The following EGLN1 variants were observed in gnomAD, a reference collection of about 807,000 sequenced individuals.
EGLN1 encodes egl-9 family hypoxia inducible factor 1.
A neutral mutation model predicts 38.3 loss-of-function variants in EGLN1; 17 were observed. The ratio of observed to expected loss-of-function variants is 0.44; its 90% CI spans 0.30 to 0.67. The LOEUF (loss-of-function observed/expected upper bound fraction) is 0.67. Ranked by LOEUF, EGLN1 falls within the 30% of genes least tolerant of loss-of-function variation. The probability of loss-of-function intolerance (pLI) is 0.08; values close to 1 mark genes in which losing one functional copy is unlikely to be tolerated. For synonymous variants in EGLN1, 283 were observed against 257.5 expected (o/e 1.10, Z -0.95); for missense variants, 477 against 603.3 (o/e 0.79, Z 2.19).
chr1:231,370,546 T>C lies in EGLN1; in HGVS notation c.1148+16A>G. ...TACCATACTCTAAACCAATTTTTTC[T>C]GAAAAGGAATACTACCTTGTAGCAT... On this transcript the variant is annotated intron_variant, in intron 3 of 4. Transcript: ENST00000366641. The C allele has an allele frequency of 6.2e-7, 1 of 1,612,988 alleles. No homozygotes were observed. The highest frequency in any genetic ancestry group is 8.5e-7 in the Non-Finnish European group (1 of 1,180,012).
chr1:231,388,873 T>G (rs539542408), intron 1 of EGLN1, among the ~76,000 whole-genome samples: 1 of 152,304 alleles, frequency 6.6e-6, no homozygotes, highest in Non-Finnish European at 1.5e-5. Flanking sequence ...CAGACTGGTC[T>G]CAAACTCCCA....
chr1:231,418,424 T>C (rs925142574), intron 1 of EGLN1, among the ~76,000 whole-genome samples: 3 of 152,160 alleles, frequency 2.0e-5, no homozygotes, highest in Non-Finnish European at 4.4e-5. Flanking sequence ...ATAACTAGCG[T>C]AGTTAAAAAA....
rs1036992232 is a variant in EGLN1, at chr1:231,416,290, C to T, written c.891+4708G>A. Reference sequence around the variant, plus strand: ...TGGGAATTACAGGGGTGAGTTACCACATCTGGCCCGGAATCCATTATCTTT... The same window carrying T: ...TGGGAATTACAGGGGTGAGTTACCATATCTGGCCCGGAATCCATTATCTTT... On this transcript the variant is annotated intron_variant, in intron 1 of 4. Transcript: ENST00000366641. 9.2e-5 allele frequency among the ~76,000 whole-genome samples: 14 copies of T among 152,046 alleles called. 1 individual carries two copies. The highest frequency in any genetic ancestry group is 3.4e-4 in the African/African-American group (14 of 41,370).
intron 1 of EGLN1, among the ~76,000 whole-genome samples, chr1:231,374,575 T>C (rs1012950839): frequency 2.6e-5 from 4 of 151,796 alleles, no homozygotes; most frequent in Non-Finnish European, 4.4e-5. Flanking sequence ...TCGAGTGCAG[T>C]GATGCAATCA....
At chr1:231,418,862 C>CAAA (rs746584010) in intron 1 of EGLN1, among the ~76,000 whole-genome samples, 8 of 94,410 alleles carry the variant, frequency 8.5e-5, no homozygotes, top group African/African-American at 3.3e-4. Context: ...ACCCTGTCTC[C>CAAA]AAAAAAAAAA....
At chr1:231,387,482 C>T (rs1431037730) in intron 1 of EGLN1, among the ~76,000 whole-genome samples, 4 of 151,648 alleles carry the variant, frequency 2.6e-5, no homozygotes, top group Non-Finnish European at 5.9e-5. Flanking sequence ...GCCTCAGCCT[C>T]CCGAGTAGCT....
At chr1:231,391,723 T>A (rs538281010) in intron 1 of EGLN1, among the ~76,000 whole-genome samples, 2 of 152,242 alleles carry the variant, frequency 1.3e-5, no homozygotes, top group South Asian at 4.1e-4. Context: ...AACCTCAGAA[T>A]AAATTATTTT....
At chr1:231,386,651 T>A (rs1487222011) in intron 1 of EGLN1, among the ~76,000 whole-genome samples, 2 of 152,254 alleles carry the variant, frequency 1.3e-5, no homozygotes, top group Non-Finnish European at 2.9e-5. Context: ...AACCAGCTCT[T>A]ATTTATTCTT....
At chr1:231,395,907 G>T (rs1430252015) in intron 1 of EGLN1, among the ~76,000 whole-genome samples, 1 of 151,980 alleles carries the variant, frequency 6.6e-6, no homozygotes, top group Non-Finnish European at 1.5e-5. Context: ...GACCAGAAGT[G>T]CTGGTCTAAG....
chr1:231,412,258 T>C (rs1252382902), intron 1 of EGLN1, among the ~76,000 whole-genome samples: 3 of 152,164 alleles, frequency 2.0e-5, no homozygotes, highest in East Asian at 1.9e-4. Flanking sequence ...TAGTCATGTG[T>C]ATCATACAGT....
At chr1:231,398,833 T>C (rs1305565596) in intron 1 of EGLN1, among the ~76,000 whole-genome samples, 1 of 152,128 alleles carries the variant, frequency 6.6e-6, no homozygotes, top group Non-Finnish European at 1.5e-5. Flanking sequence ...TGAGCCTTGG[T>C]GTGAGAACGC....
chr1:231,419,409 T>C (rs192598898), intron 1 of EGLN1, among the ~76,000 whole-genome samples: 118 of 152,306 alleles, frequency 7.7e-4, no homozygotes, highest in Non-Finnish European at 1.6e-3. Context: ...TCAAGAAAGA[T>C]TTGGGACATC....
intron 1 of EGLN1, among the ~76,000 whole-genome samples, chr1:231,385,787 C>T (rs1688190512): frequency 6.6e-6 from 1 of 152,130 alleles, no homozygotes; most frequent in Non-Finnish European, 1.5e-5. Flanking sequence ...CTAAGACTGG[C>T]CAGAAAACAT....
chr1:231,401,852 A>C (rs1688671758), intron 1 of EGLN1, among the ~76,000 whole-genome samples: 1 of 152,172 alleles, frequency 6.6e-6, no homozygotes, highest in African/African-American at 2.4e-5. Context: ...GTCATATGAT[A>C]AATTTATACT....
Position 231,390,047 on chromosome 1 carries a change from C to T in EGLN1, c.892-15948G>A, listed in dbSNP as rs566536596. Among the ~76,000 whole-genome samples, 4 of 152,236 alleles carry T rather than the reference C, an allele frequency of 2.6e-5. No individual in the cohort carries two copies. The East Asian group carries it at 7.7e-4, about 29-fold the overall frequency. Reference sequence around the variant, plus strand: ...AGCACACGACTCTGCCACTTACTGACTGTGTTACTTTGGGCAAATTATTCA... The same window carrying T: ...AGCACACGACTCTGCCACTTACTGATTGTGTTACTTTGGGCAAATTATTCA... On this transcript the variant is annotated intron_variant, in intron 1 of 4. Coordinates refer to ENST00000366641, the MANE Select transcript of EGLN1 (RefSeq NM_022051.3).
chr1:231,407,330 T>A (rs2102932647), intron 1 of EGLN1, among the ~76,000 whole-genome samples: 1 of 152,318 alleles, frequency 6.6e-6, no homozygotes, highest in Non-Finnish European at 1.5e-5. Flanking sequence ...TCAACTTAAT[T>A]AACTCATGCC....
intron 3 of EGLN1, chr1:231,369,670 C>T (rs1202536988): frequency 9.3e-6 from 8 of 862,788 alleles, no homozygotes; most frequent in African/African-American, 1.8e-5. Context: ...ATAATCAAGT[C>T]GTTAGAGTCA....
At chr1:231,416,023 A>G (rs1689070601) in intron 1 of EGLN1, among the ~76,000 whole-genome samples, 1 of 151,942 alleles carries the variant, frequency 6.6e-6, no homozygotes, top group Non-Finnish European at 1.5e-5. Flanking sequence ...TTATTTTTGT[A>G]TTTTTAGTAA....
chr1:231,410,698 A>C (rs1273844868), intron 1 of EGLN1, among the ~76,000 whole-genome samples: 1 of 152,104 alleles, frequency 6.6e-6, no homozygotes, highest in Admixed American at 6.5e-5. Context: ...TAGGAAAAAA[A>C]ACTACCATTG....
Sources: allele counts gnomAD v4.1 joint callset (sites outside exome capture counted in the v4.1 genomes callset), GRCh38; gene constraint gnomAD v4.1.1; transcripts MANE v1.5; gene names NCBI Gene and HGNC (gene_info 2026-07-23, HGNC 2026-07-21).